PCNX2: variants seen among roughly 807,000 people sequenced by gnomAD.
PCNX2 encodes the protein pecanex 2, also known as pecanex-like protein 2.
Under a neutral mutation model 223.8 loss-of-function variants are expected in PCNX2, and 168 were observed. The observed-to-expected ratio is 0.75, with a 90% CI of 0.66 to 0.85. The LOEUF is 0.85. Ranked by LOEUF, PCNX2 falls within the 40% of genes least tolerant of loss-of-function variation. The probability of loss-of-function intolerance (pLI) is 0.00; values close to 1 mark genes in which losing one functional copy is unlikely to be tolerated. For missense variants in PCNX2, 2,507 were observed against 2,675.5 expected, an observed-to-expected ratio of 0.94 and a Z score of 1.39; for synonymous variants, 1,006 against 1,052.6, an observed-to-expected ratio of 0.96 and a Z score of 0.86.
chr1:233,232,749 C>T (rs1167920089), intron 9 of PCNX2: 3 of 932,020 alleles, frequency 3.2e-6, no homozygotes, highest in Non-Finnish European at 3.8e-6. Context: ...TAAATGCTAC[C>T]TTTATATCTA....
Position 233,058,179 on chromosome 1 carries a change from T to A in PCNX2, c.4077-889A>T, listed in dbSNP as rs922406309. 3 of 477,212 alleles carry A rather than the reference T, an allele frequency of 6.3e-6. No homozygotes were observed. The African/African-American group carries it at 6.5e-5, about 10-fold the overall frequency. The allele number at this position is 477,212 out of a possible 1,614,324, so 29.6% of individuals were successfully genotyped here. A position where few individuals can be genotyped will look rare whatever the true frequency, so the allele number is the denominator to read the frequency against. ...CAGCCAGTCCATGACAACCCCTGGC[T>A]TCTGAGAGTTAGCCGACTCACTGCA... On this transcript the variant is annotated intron_variant, in intron 23 of 33. Transcript: ENST00000258229.
chr1:233,307,531 ACCACTTT>A, the PCNX2 span, among the ~76,000 whole-genome samples: 1 of 152,128 alleles, frequency 6.6e-6, no homozygotes, highest in African/African-American at 2.4e-5. Flanking sequence ...AGCCAGATAA[ACCACTTT>A]TCTTTATAAA....
intron 26 of PCNX2, among the ~76,000 whole-genome samples, chr1:233,023,221 T>G (rs550052217): frequency 6.6e-6 from 1 of 152,214 alleles, no homozygotes; most frequent in East Asian, 1.9e-4. Flanking sequence ...ACTCTCCTTG[T>G]TGAGGGAGAT....
intron 23 of PCNX2, chr1:233,065,467 C>T (rs567379905): frequency 1.1e-4 from 17 of 152,146 alleles, no homozygotes; most frequent in South Asian, 6.2e-4. Context: ...TGTATTCTTC[C>T]GGAAATATGG....
chr1:232,999,042 C>G, intron 31 of PCNX2, 63 bp downstream of exon 31: 1 of 1,513,610 alleles, frequency 6.6e-7, no homozygotes, highest in South Asian at 1.3e-5. Flanking sequence ...GAGTACAGAG[C>G]TCCCTGCATC....
intron 15 of PCNX2, among the ~76,000 whole-genome samples, chr1:233,197,480 C>T (rs905989949): frequency 6.6e-6 from 1 of 152,108 alleles, no homozygotes; most frequent in South Asian, 2.1e-4. Context: ...AATAAAGGAA[C>T]ATAAGTCAAA....
chr1:233,090,660 CATCT>C (rs547994606), intron 22 of PCNX2, among the ~76,000 whole-genome samples: 246 of 152,228 alleles, frequency 1.6e-3, no homozygotes, highest in Non-Finnish European at 2.8e-3. Flanking sequence ...AATATCTATC[CATCT>C]ATCTATCTAG....
At chr1:233,008,123 C>A (rs777267844) in intron 28 of PCNX2, among the ~76,000 whole-genome samples, 2 of 152,162 alleles carry the variant, frequency 1.3e-5, no homozygotes, top group South Asian at 4.1e-4. Context: ...GGTATGTATA[C>A]CCTGCACAGA....
intron 8 of PCNX2, among the ~76,000 whole-genome samples, chr1:233,246,224 T>G (rs1558387216): frequency 6.6e-6 from 1 of 151,726 alleles, no homozygotes; most frequent in Non-Finnish European, 1.5e-5. Context: ...ATGAATGCCC[T>G]TCAGATGGGA....
At chr1:233,029,038 C>A (rs1671178755) in intron 25 of PCNX2, among the ~76,000 whole-genome samples, 1 of 152,098 alleles carries the variant, frequency 6.6e-6, no homozygotes, top group Non-Finnish European at 1.5e-5. Flanking sequence ...TGGGGTTTCA[C>A]CATATTGGCC....
intron 25 of PCNX2, among the ~76,000 whole-genome samples, chr1:233,040,308 T>C (rs564583069): frequency 6.6e-6 from 1 of 152,304 alleles, no homozygotes; most frequent in South Asian, 2.1e-4. Context: ...GCCTCAAAGC[T>C]TTCCACGCAC....
Position 233,295,387 on chromosome 1 carries a change from G to A in PCNX2, c.92C>T (p.Thr31Ile), listed in dbSNP as rs1453583895. Reference protein sequence around the residue: ...WYHDPEQSKFTNSCHLYLWLF... With the variant: ...WYHDPEQSKFINSCHLYLWLF... ...CCACAGGTAGAGGTGGCAGCTGTTG[G>A]TGAACTTGCTCTGCTCCGGGTCGTG... The change falls in exon 1 of 34, where the codon ACC becomes ATC. Residue 31 changes from threonine (T) to isoleucine (I), a missense_variant. Around this residue, in one of 3 missense-constraint regions of PCNX2, gnomAD observed 1,031 missense variants for 1,021.7 expected, o/e 1.01. Coordinates refer to ENST00000258229, the MANE Select transcript of PCNX2 (RefSeq NM_014801.4). The surrounding 1 kb of genome is among the most constrained non-coding windows in gnomAD (Gnocchi z 4.1). 1.3e-6 allele frequency: 2 copies of A among 1,558,410 alleles called. No homozygotes were observed. The highest frequency in any genetic ancestry group is 1.7e-6 in the Non-Finnish European group (2 of 1,150,816).
intron 25 of PCNX2, among the ~76,000 whole-genome samples, chr1:233,041,609 C>A (rs1164235508): frequency 6.6e-6 from 1 of 152,206 alleles, no homozygotes; most frequent in Non-Finnish European, 1.5e-5. Context: ...GCACACTAAC[C>A]TTTTAATAAA....
chr1:233,264,600 T>G (rs1280888613), intron 1 of PCNX2, among the ~76,000 whole-genome samples: 2 of 152,182 alleles, frequency 1.3e-5, no homozygotes, highest in African/African-American at 4.8e-5. Flanking sequence ...GCTCTTATTA[T>G]GTCATGGGGG....
intron 23 of PCNX2, among the ~76,000 whole-genome samples, chr1:233,083,569 C>A (rs1257867190): frequency 6.6e-6 from 1 of 152,198 alleles, no homozygotes; most frequent in Non-Finnish European, 1.5e-5. Context: ...GTCTATATTA[C>A]AAACCAACAA....
the PCNX2 span, among the ~76,000 whole-genome samples, chr1:233,311,736 A>G: frequency 6.6e-6 from 1 of 152,254 alleles, no homozygotes; most frequent in South Asian, 2.1e-4. Context: ...TCAAGAATTA[A>G]GAAAAATAAT....
At chr1:233,304,876 T>C in the PCNX2 span, among the ~76,000 whole-genome samples, 1 of 152,238 alleles carries the variant, frequency 6.6e-6, no homozygotes, top group Non-Finnish European at 1.5e-5. Context: ...TCAGTGTATA[T>C]TGTATGTGTG....
At chr1:233,309,537 T>TAA in the PCNX2 span, among the ~76,000 whole-genome samples, 1 of 87,034 alleles carries the variant, frequency 1.1e-5, no homozygotes. Context: ...TGAGACTCCC[T>TAA]CAAAAAAATA....
chr1:233,127,944 ATAAG>A (rs149186547), intron 21 of PCNX2, among the ~76,000 whole-genome samples: 5,972 of 152,348 alleles, frequency 0.039, 169 homozygotes, highest in Non-Finnish European at 0.058. Flanking sequence ...GTACTTCTGT[ATAAG>A]TATGTATTTT....
Sources: gnomAD v4.1 joint callset for allele counts (sites outside exome capture counted in the v4.1 genomes callset) on GRCh38, gnomAD v4.1.1 for gene constraint, gnomAD v4.1.1 regional missense constraint, Gnocchi (gnomAD v3.1) non-coding constraint, MANE v1.5 for transcripts, NCBI Gene and HGNC (gene_info 2026-07-23, HGNC 2026-07-21) for gene names.